The following ASPHD2 variants were observed in gnomAD, a reference collection of about 807,000 sequenced individuals.
ASPHD2 encodes the protein aspartate beta-hydroxylase domain containing 2.
Under a neutral mutation model 34.6 loss-of-function variants are expected in ASPHD2, and 12 were observed. The observed-to-expected ratio is 0.35, with a 90% CI of 0.22 to 0.56. The LOEUF (loss-of-function observed/expected upper bound fraction) is 0.56, where lower values mean the gene tolerates loss of function less well. Among genes scored for constraint, ASPHD2 ranks in the 20% least tolerant of loss-of-function variants. The pLI, the probability that ASPHD2 is intolerant of heterozygous loss-of-function variation, is 0.87. For missense variants in ASPHD2, 375 were observed against 505.0 expected (o/e 0.74, Z 2.47); for synonymous variants, 224 against 212.2 (o/e 1.06, Z -0.48).
chr22:26,436,060 T>C (rs1293763218), intron 2 of ASPHD2, among the ~76,000 whole-genome samples: 1 of 152,202 alleles, frequency 6.6e-6, no homozygotes, highest in Non-Finnish European at 1.5e-5. Flanking sequence ...TATCAAGGAC[T>C]GTGTTGGACC....
At chr22:26,440,875 G>T (rs771058288) in intron 2 of ASPHD2, among the ~76,000 whole-genome samples, 2 of 152,218 alleles carry the variant, frequency 1.3e-5, no homozygotes, top group African/African-American at 4.8e-5. Context: ...TACTGGGTAA[G>T]GCAAGGTTCT....
intron 2 of ASPHD2, among the ~76,000 whole-genome samples, chr22:26,438,490 GATACACACATACATATAT>G (rs2084808353): frequency 7.3e-5 from 3 of 40,924 alleles, no homozygotes; most frequent in South Asian, 6.9e-4. Flanking sequence ...CATATATATA[GATACACACATACATATAT>G]ATACATACAT....
chr22:26,432,789 A>G (rs558749911), intron 1 of ASPHD2, among the ~76,000 whole-genome samples: 9 of 152,384 alleles, frequency 5.9e-5, no homozygotes, highest in African/African-American at 2.2e-4. Context: ...CATGACCTCA[A>G]GAGTGCCTAC....
rs1182907674 is a variant in ASPHD2 at position 26,429,646 on chromosome 22, C to T, written c.-225+160C>T. Among the ~76,000 whole-genome samples the T allele has an allele frequency of 6.6e-6, 1 of 151,714 alleles. No individual in the cohort carries two copies. The highest frequency in any genetic ancestry group is 1.5e-5 in the Non-Finnish European group (1 of 67,850). The stretch of plus-strand genomic sequence containing the variant: ...CCCCCGCCGAGGATGCTCCGGGACC[C>T]GGGCGCCCGCATCCCGGCCCGGCCG... On this transcript the variant is annotated intron_variant, in intron 1 of 3. Coordinates refer to ENST00000215906, the MANE Select transcript of ASPHD2 (RefSeq NM_020437.5). The surrounding 1 kb of genome is among the most constrained non-coding windows in gnomAD (Gnocchi z 4.5).
rs1176467692 is a variant in ASPHD2 at position 26,440,623 on chromosome 22, A to G, written c.887-1836A>G. Among the ~76,000 whole-genome samples the G allele has an allele frequency of 3.9e-5, 6 of 152,106 alleles. No individual in the cohort carries two copies. The East Asian group carries it at 1.2e-3, about 29-fold the overall frequency. On this transcript the variant is annotated intron_variant, in intron 2 of 3. Coordinates refer to ENST00000215906, the MANE Select transcript of ASPHD2 (RefSeq NM_020437.5). ...AGTGCTGGGATTACAGGTGTGAGCC[A>G]CTGTGCCCAGCCAAGCATACGGCTT...
Position 26,443,245 on chromosome 22 carries a change from G to T in ASPHD2, c.*39G>T. On this transcript the variant is annotated 3_prime_UTR_variant, in exon 4 of 4. Coordinates refer to ENST00000215906, the MANE Select transcript of ASPHD2 (RefSeq NM_020437.5). ...GCTGGAGTCGGCGAGAAGGGCCGAG[G>T]CGGGGCCTGGGCAGACTGTGGTCCG... 2 of 1,563,984 alleles carry T rather than the reference G, an allele frequency of 1.3e-6. No individual in the cohort carries two copies. Among genetic ancestry groups the T allele is most frequent in the South Asian group, 1.1e-5 (1 of 90,034 alleles).
chr22:26,441,124 G>A (rs531098105), intron 2 of ASPHD2, among the ~76,000 whole-genome samples: 7 of 152,352 alleles, frequency 4.6e-5, no homozygotes, highest in South Asian at 2.1e-4. Flanking sequence ...CAGATTTGGC[G>A]TCTGGTGAAG....
rs940838903 is a variant in ASPHD2, at chr22:26,444,934, C to A, written c.*1728C>A. The A allele has an allele frequency of 6.6e-6, 1 of 152,172 alleles. No individual in the cohort carries two copies. The highest frequency in any genetic ancestry group is 1.5e-5 in the Non-Finnish European group (1 of 68,032). 9.4% of individuals were successfully genotyped at this position (152,172 alleles called of 1,614,324 possible). ...GCTCTGCGTTTACAAAACCAACAGC[C>A]CGCGCAGGTACCTAGCTACCTGCAT... On this transcript the variant is annotated 3_prime_UTR_variant, in exon 4 of 4. Transcript: ENST00000215906.
rs1442650683 is a variant in ASPHD2, at chr22:26,429,768, C to T, written c.-225+282C>T. Among the ~76,000 whole-genome samples the T allele has an allele frequency of 1.3e-5, 2 of 152,068 alleles. No individual in the cohort carries two copies. The highest frequency in any genetic ancestry group is 4.8e-5 in the African/African-American group (2 of 41,418). ...CTCCTCTTCCCTGCCCCATCGTGGT[C>T]CCTTCCTCCATCTCCCTTCTCCCCT... On this transcript the variant is annotated intron_variant, in intron 1 of 3. Transcript: ENST00000215906. This position sits in a 1 kb window ranked among gnomAD's most constrained non-coding sequence, Gnocchi z 4.5.
chr22:26,442,125 GGGAAAAGA>G (rs2084850785), intron 2 of ASPHD2, among the ~76,000 whole-genome samples: 1 of 147,546 alleles, frequency 6.8e-6, no homozygotes, highest in Non-Finnish European at 1.5e-5. Context: ...AAAAAAAAAA[GGGAAAAGA>G]AAAAAAGATG....
Position 26,443,937 on chromosome 22 carries a change from T to C in ASPHD2, c.*731T>C, listed in dbSNP as rs1037082205. 2.4e-4 allele frequency: 36 copies of C among 152,266 alleles called. 1 individual carries two copies. Among genetic ancestry groups the C allele is most frequent in the African/African-American group, 8.4e-4 (35 of 41,474 alleles). 9.4% of individuals were successfully genotyped at this position (152,266 alleles called of 1,614,324 possible). A position where few individuals can be genotyped will look rare whatever the true frequency, so the allele number is the denominator to read the frequency against. On this transcript the variant is annotated 3_prime_UTR_variant, in exon 4 of 4. Transcript: ENST00000215906. Reference sequence around the variant, plus strand: ...GGCTTTCCTGCAAAGCTGAAGCTGGTGTCCCCCAGCACCAAGCTGCGGCTC... The same window carrying C: ...GGCTTTCCTGCAAAGCTGAAGCTGGCGTCCCCCAGCACCAAGCTGCGGCTC...
chr22:26,438,077 C>G (rs533860759), intron 2 of ASPHD2, among the ~76,000 whole-genome samples: 1 of 152,122 alleles, frequency 6.6e-6, no homozygotes, highest in Non-Finnish European at 1.5e-5. Flanking sequence ...ATTTTTCTAT[C>G]GCACCGTGGC....
Position 26,433,662 on chromosome 22 carries a change from T to G in ASPHD2, c.47T>G (p.Leu16Trp). The G allele has an allele frequency of 1.2e-6, 2 of 1,614,114 alleles. No homozygotes were observed. The highest frequency in any genetic ancestry group is 2.2e-5 in the East Asian group (1 of 44,866). Residue 16 changes from leucine (L) to tryptophan (W), a missense_variant, in exon 2 of 4, where the codon TTG (leucine) becomes TGG (tryptophan). Around this residue, in one of 3 missense-constraint regions of ASPHD2, gnomAD observed 223 missense variants for 257.8 expected, o/e 0.87. Coordinates refer to ENST00000215906, the MANE Select transcript of ASPHD2 (RefSeq NM_020437.5). The surrounding 1 kb of genome is among the most constrained non-coding windows in gnomAD (Gnocchi z 5.1). Reference sequence around the variant, plus strand: ...CCCCCGAGGACTGATTGTCTGACCTTGCTTCACACGCCCAGTAAGGACTCC... The same window carrying G: ...CCCCCGAGGACTGATTGTCTGACCTGGCTTCACACGCCCAGTAAGGACTCC... ...LGPPRTDCLT[L>W]LHTPSKDSPK...
rs1027970350 is a variant in ASPHD2, at chr22:26,433,122, T to C, written c.-224-270T>C. Among the ~76,000 whole-genome samples the C allele has an allele frequency of 3.9e-5, 6 of 152,166 alleles. No individual in the cohort carries two copies. The highest frequency in any genetic ancestry group is 7.3e-5 in the Non-Finnish European group (5 of 68,032). Reference sequence around the variant, plus strand: ...TTATGTAACTTCTCTGAGCCTCAGTTTTCTCATCTGTAAAATGGGGATAAT... The same window carrying C: ...TTATGTAACTTCTCTGAGCCTCAGTCTTCTCATCTGTAAAATGGGGATAAT... On this transcript the variant is annotated intron_variant, in intron 1 of 3. Transcript: ENST00000215906. This position sits in a 1 kb window ranked among gnomAD's most constrained non-coding sequence, Gnocchi z 5.1.
rs768543597 is a variant in ASPHD2, at chr22:26,442,454, A to G, written c.887-5A>G. On this transcript the variant is annotated splice_polypyrimidine_tract_variant and splice_region_variant and intron_variant, in intron 2 of 3. Transcript: ENST00000215906. ...TCACTCTCCTTTCTCTGGTTTTCCTACAAGGTCTGAAAACTCCAAATGGCT... is the reference window on the plus strand; with the variant it reads ...TCACTCTCCTTTCTCTGGTTTTCCTGCAAGGTCTGAAAACTCCAAATGGCT... 7 of 1,577,160 alleles carry G rather than the reference A, an allele frequency of 4.4e-6. No homozygotes were observed. In the East Asian group the frequency reaches 9.0e-5, roughly 20 times the overall value.
At chr22:26,438,358 A>G (rs890559032) in intron 2 of ASPHD2, among the ~76,000 whole-genome samples, 1 of 151,942 alleles carries the variant, frequency 6.6e-6, no homozygotes, top group Admixed American at 6.6e-5. Flanking sequence ...GAAATGTACT[A>G]TTGAGAGTTG....
chr22:26,444,429 TCTC>T lies in ASPHD2; in HGVS notation c.*1226_*1228del, dbSNP rs969154085. 6.6e-6 allele frequency: 1 copy of T among 151,854 alleles called. No individual in the cohort carries two copies. The highest frequency in any genetic ancestry group is 1.5e-5 in the Non-Finnish European group (1 of 67,968). The allele number at this position is 151,854 out of a possible 1,614,324, so 9.4% of individuals were successfully genotyped here. A position where few individuals can be genotyped will look rare whatever the true frequency, so the allele number is the denominator to read the frequency against. ...CGTGGCCGTTGTGCTGGTTTTCTGG[TCTC>T]CTGTGAAGAACATGTGGATCTCTTC... On this transcript the variant is annotated 3_prime_UTR_variant, in exon 4 of 4. Coordinates refer to ENST00000215906, the MANE Select transcript of ASPHD2 (RefSeq NM_020437.5).
intron 2 of ASPHD2, among the ~76,000 whole-genome samples, chr22:26,436,842 A>ATGTG (rs4049320): frequency 0.018 from 2,739 of 148,858 alleles, 40 homozygotes; most frequent in Non-Finnish European, 0.027. Context: ...ATATGCATGC[A>ATGTG]TGTGTGTGTG....
In ASPHD2 at chr22:26,442,566, C is replaced by A. The variant is rs143013416; in HGVS notation, c.994C>A (p.His332Asn). 11 of 1,600,916 alleles carry A rather than the reference C, an allele frequency of 6.9e-6. No homozygotes were observed. The highest frequency in any genetic ancestry group is 9.4e-6 in the Non-Finnish European group (11 of 1,172,230). Reference sequence around the variant, plus strand: ...TGACTCTTTCCTGCATGCTGCGTTCCATGAAGGTGAGTGGCTGCCTTTCCC... The same window carrying A: ...TGACTCTTTCCTGCATGCTGCGTTCAATGAAGGTGAGTGGCTGCCTTTCCC... ...FDDSFLHAAF[H>N]EGSAEDGPRV... Residue 332 changes from histidine to asparagine, a missense_variant, in exon 3 of 4, where the codon CAT becomes AAT. His to Asn is a moderately conservative substitution (Grantham distance 68). Around this residue, in one of 3 missense-constraint regions of ASPHD2, gnomAD observed 142 missense variants for 217.9 expected, o/e 0.65. Coordinates refer to ENST00000215906, the MANE Select transcript of ASPHD2 (RefSeq NM_020437.5).
Sources: gnomAD v4.1 joint callset for allele counts (sites outside exome capture counted in the v4.1 genomes callset) on GRCh38, gnomAD v4.1.1 for gene constraint, gnomAD v4.1.1 regional missense constraint, Gnocchi (gnomAD v3.1) non-coding constraint, MANE v1.5 for transcripts, NCBI Gene and HGNC (gene_info 2026-07-23, HGNC 2026-07-21) for gene names.